The following PXYLP1 variants were observed in gnomAD, a reference collection of about 807,000 sequenced individuals.
PXYLP1 encodes acid phosphatase-like 2.
In PXYLP1, 17 loss-of-function variants were observed where a neutral mutation model predicts 37.9. The observed-to-expected ratio is 0.45, with a 90% CI of 0.31 to 0.67. PXYLP1 has a LOEUF of 0.67. PXYLP1 is among the 30% of genes least tolerant of loss of function. PXYLP1 has a pLI of 0.07. For missense variants in PXYLP1, 511 were observed against 612.0 expected, an observed-to-expected ratio of 0.84 and a Z score of 1.74; for synonymous variants, 221 against 232.2, an observed-to-expected ratio of 0.95 and a Z score of 0.44.
chr3:141,244,076 T>C (rs1314405268), intron 1 of PXYLP1, among the ~76,000 whole-genome samples: 2 of 152,252 alleles, frequency 1.3e-5, no homozygotes, highest in African/African-American at 4.8e-5. Context: ...AATTTGTTTG[T>C]TTTAAAGAAA....
At chr3:141,284,640 T>G (rs1942030059) in intron 4 of PXYLP1, among the ~76,000 whole-genome samples, 1 of 152,174 alleles carries the variant, frequency 6.6e-6, no homozygotes, top group South Asian at 2.1e-4. Flanking sequence ...CTGCGCACAT[T>G]CTCCCATGTA....
Position 141,236,720 on chromosome 3 carries a change from A to G in PXYLP1, c.-54+4809A>G, listed in dbSNP as rs1026240074. Among the ~76,000 whole-genome samples the G allele has an allele frequency of 2.0e-5, 3 of 152,178 alleles. No individual in the cohort carries two copies. The East Asian group carries it at 5.8e-4, about 29-fold the overall frequency. On this transcript the variant is annotated intron_variant, in intron 1 of 5. Transcript: ENST00000286353. Reference sequence around the variant, plus strand: ...AGAATCTAGTTAGAATTAAACATTTACTGTCTTGTTAAGGCTTTATGCTTC... The same window carrying G: ...AGAATCTAGTTAGAATTAAACATTTGCTGTCTTGTTAAGGCTTTATGCTTC...
chr3:141,272,287 T>G (rs569286945), intron 2 of PXYLP1, among the ~76,000 whole-genome samples: 84 of 152,330 alleles, frequency 5.5e-4, no homozygotes, highest in African/African-American at 1.9e-3. Context: ...TAAGGTGCCC[T>G]GAGGTTCAAA....
chr3:141,237,321 A>G (rs566521708), intron 1 of PXYLP1, among the ~76,000 whole-genome samples: 3 of 152,352 alleles, frequency 2.0e-5, no homozygotes, highest in South Asian at 4.1e-4. Flanking sequence ...GGACTTCTCA[A>G]GGTTTGTAGA....
At chr3:141,235,720 T>C (rs1478435267) in intron 1 of PXYLP1, among the ~76,000 whole-genome samples, 5 of 152,238 alleles carry the variant, frequency 3.3e-5, no homozygotes, top group African/African-American at 1.2e-4. Flanking sequence ...CGACGGCCCA[T>C]TGGAGCCTCT....
At chr3:141,284,325 A>G (rs994897924) in intron 4 of PXYLP1, among the ~76,000 whole-genome samples, 1 of 152,138 alleles carries the variant, frequency 6.6e-6, no homozygotes, top group Admixed American at 6.5e-5. Flanking sequence ...GGCTGGAAGG[A>G]AGGAAGATAA....
intron 2 of PXYLP1, among the ~76,000 whole-genome samples, chr3:141,268,452 C>T (rs182912935): frequency 6.6e-6 from 1 of 152,268 alleles, no homozygotes; most frequent in East Asian, 1.9e-4. Context: ...GAGTGTGCGC[C>T]TGCTGAGCCA....
In PXYLP1 at chr3:141,271,325, A is replaced by G. The variant is rs528416450; in HGVS notation, c.80-7017A>G. On this transcript the variant is annotated intron_variant, in intron 2 of 5. Transcript: ENST00000286353. The stretch of plus-strand genomic sequence containing the variant: ...AGGCTACCTCCCTGCATTCAGAACC[A>G]TGGTAGCAGGGGCAACTGAGGACAG... Among the ~76,000 whole-genome samples, 81 of 152,272 alleles carry G rather than the reference A, an allele frequency of 5.3e-4. No individual in the cohort carries two copies. In the Middle Eastern group the frequency reaches 0.01, roughly 19 times the overall value.
Position 141,292,170 on chromosome 3 carries a change from C to A in PXYLP1, c.506-98C>A. On this transcript the variant is annotated intron_variant, in intron 5 of 5. Coordinates refer to ENST00000286353, the MANE Select transcript of PXYLP1 (RefSeq NM_001037172.3). The surrounding 1 kb of genome is among the most constrained non-coding windows in gnomAD (Gnocchi z 4.3). ...AAACAGGCTGGATGCCATTCTCTTG[C>A]CCTAAAACACTCCAGAGCCACACGC... is the stretch of plus-strand genomic sequence containing the variant. 1 of 1,194,396 alleles carries A rather than the reference C, an allele frequency of 8.4e-7. No individual in the cohort carries two copies. Among genetic ancestry groups the A allele is most frequent in the Non-Finnish European group, 1.2e-6 (1 of 846,528 alleles). 74.0% of individuals were successfully genotyped at this position (1,194,396 alleles called of 1,614,324 possible). A position where few individuals can be genotyped will look rare whatever the true frequency, so the allele number is the denominator to read the frequency against.
intron 2 of PXYLP1, chr3:141,272,958 A>T: frequency 1.0e-6 from 1 of 980,634 alleles, no homozygotes; most frequent in Non-Finnish European, 1.2e-6. Flanking sequence ...AATCAAGTGG[A>T]CACCCAGTAT....
At position 141,292,770 on chromosome 3, in the gene PXYLP1, G is replaced by A. The variant is rs777069442; in HGVS notation, c.1008G>A (p.Arg336=). The change falls in exon 6 of 6, where the codon CGG becomes CGA. Residue 336 remains arginine, a synonymous_variant. Coordinates refer to ENST00000286353, the MANE Select transcript of PXYLP1 (RefSeq NM_001037172.3). This position sits in a 1 kb window ranked among gnomAD's most constrained non-coding sequence, Gnocchi z 4.3. ...AGATCGAGGATGAAAGGGAAAGACG[G>A]GAGAAGAAATTGTACTTCGGGTATT... The part of the protein sequence containing the change: ...THQIEDERER[R]EKKLYFGYSL... The A allele has an allele frequency of 3.1e-6, 5 of 1,613,538 alleles. No individual in the cohort carries two copies. In the South Asian group the frequency reaches 5.5e-5, roughly 18 times the overall value.
At chr3:141,278,573 A>C in intron 3 of PXYLP1, 73 bp downstream of exon 3, 2 of 1,567,166 alleles carry the variant, frequency 1.3e-6, no homozygotes, top group Non-Finnish European at 1.7e-6. Context: ...GCACAGCAGT[A>C]AGGAGCAAGA....
chr3:141,248,512 T>TACAC (rs1163356024), intron 1 of PXYLP1, among the ~76,000 whole-genome samples: 27 of 102,174 alleles, frequency 2.6e-4, no homozygotes, highest in East Asian at 2.0e-3. Context: ...TATATATATA[T>TACAC]ACACACACAC....
chr3:141,258,618 C>T, intron 1 of PXYLP1: 1 of 158,108 alleles, frequency 6.3e-6, no homozygotes, highest in Middle Eastern at 8.6e-4. Flanking sequence ...CCAGGTTCAA[C>T]AAAGCTGTCT....
chr3:141,288,337 G>A (rs1424588931), intron 5 of PXYLP1, among the ~76,000 whole-genome samples: 1 of 152,218 alleles, frequency 6.6e-6, no homozygotes, highest in Non-Finnish European at 1.5e-5. Context: ...CAGGGATGGA[G>A]GGAAGGTCTC....
rs77924908 is a variant in PXYLP1 at position 141,281,458 on chromosome 3, A to G, written c.365+1954A>G. On this transcript the variant is annotated intron_variant, in intron 4 of 5. Transcript: ENST00000286353. ...CCTCTGCCCTCAGGGAGCTCAGCACATTTACAGAGACAGGCCCGGTGCCCA... is the reference window on the plus strand; with the variant it reads ...CCTCTGCCCTCAGGGAGCTCAGCACGTTTACAGAGACAGGCCCGGTGCCCA... Among the ~76,000 whole-genome samples, 365 of 152,354 alleles carry G rather than the reference A, an allele frequency of 2.4e-3. 2 individuals carry two copies. The highest frequency in any genetic ancestry group is 8.5e-3 in the African/African-American group (355 of 41,580).
intron 1 of PXYLP1, 48 bp from the exon 2 acceptor site, chr3:141,260,075 A>T: frequency 1.5e-6 from 2 of 1,374,114 alleles, no homozygotes; most frequent in Non-Finnish European, 2.0e-6. Context: ...TGACAAATTT[A>T]GTTCTCCACC....
intron 2 of PXYLP1, chr3:141,262,573 C>A: frequency 7.6e-7 from 1 of 1,323,646 alleles, no homozygotes; most frequent in Non-Finnish European, 1.0e-6. Flanking sequence ...AAAGTACCTT[C>A]TGTTTTAGGA....
At position 141,292,592 on chromosome 3, in the gene PXYLP1, A is replaced by C. The variant is rs1424843748; in HGVS notation, c.830A>C (p.Glu277Ala). ...KNSQLEKTYG[E>A]MAKIVDVPTK... Reference sequence around the variant, plus strand: ...AGCCAGCTGGAGAAGACCTACGGGGAGATGGCCAAGATCGTGGATGTCCCC... The same window carrying C: ...AGCCAGCTGGAGAAGACCTACGGGGCGATGGCCAAGATCGTGGATGTCCCC... The change falls in exon 6 of 6, where the codon GAG becomes GCG. Residue 277 changes from glutamate (E) to alanine (A), a missense_variant. Glu to Ala is a moderately radical substitution (Grantham distance 107). Transcript: ENST00000286353. The surrounding 1 kb of genome is among the most constrained non-coding windows in gnomAD (Gnocchi z 4.3). The C allele has an allele frequency of 3.9e-5, 63 of 1,613,908 alleles. No individual in the cohort carries two copies. Among genetic ancestry groups the C allele is most frequent in the Non-Finnish European group, 5.3e-5 (63 of 1,180,004 alleles).
Sources: gnomAD v4.1 joint callset for allele counts (sites outside exome capture counted in the v4.1 genomes callset) on GRCh38, gnomAD v4.1.1 for gene constraint, Gnocchi (gnomAD v3.1) non-coding constraint, MANE v1.5 for transcripts, NCBI Gene and HGNC (gene_info 2026-07-23, HGNC 2026-07-21) for gene names.